The following ARL14EPL variants were observed in gnomAD, a reference collection of about 807,000 sequenced individuals.
ARL14EPL encodes the protein ARF like GTPase 14 effector protein like.
A neutral mutation model predicts 15.9 loss-of-function variants in ARL14EPL; 17 were observed. The ratio of observed to expected loss-of-function variants is 1.07; its 90% CI spans 0.73 to 1.60. The LOEUF (loss-of-function observed/expected upper bound fraction) is 1.60, where lower values mean the gene tolerates loss of function less well. ARL14EPL is among the 40% of genes most tolerant of loss of function. The pLI is 0.00. For synonymous variants in ARL14EPL, 78 were observed against 63.8 expected (o/e 1.22, Z -1.06); for missense variants, 214 against 185.9 (o/e 1.15, Z -0.88).
In ARL14EPL at chr5:116,059,241, C is replaced by T; in HGVS notation, c.*294C>T. 1 of 308,922 alleles carries T rather than the reference C, an allele frequency of 3.2e-6. No homozygotes were observed. Among genetic ancestry groups the T allele is most frequent in the Non-Finnish European group, 6.1e-6 (1 of 164,294 alleles). The allele number at this position is 308,922 out of a possible 1,614,324, so 19.1% of individuals were successfully genotyped here. On this transcript the variant is annotated 3_prime_UTR_variant, in exon 4 of 4. Transcript: ENST00000686077. Reference sequence around the variant, plus strand: ...CCTTCAAATTAAAACTCTCTTCCCTCTTTGCTGATATCTGAGAAAATGTAG... The same window carrying T: ...CCTTCAAATTAAAACTCTCTTCCCTTTTTGCTGATATCTGAGAAAATGTAG...
chr5:116,040,262 A>T (rs1369801969), intron 1 of ARL14EPL, among the ~76,000 whole-genome samples: 1 of 152,072 alleles, frequency 6.6e-6, no homozygotes. Flanking sequence ...ATTTGGTTTA[A>T]TCACTTCTTT....
At position 116,051,492 on chromosome 5, in the gene ARL14EPL, T is replaced by C; in HGVS notation, c.27T>C (p.Asn9=). The C allele has an allele frequency of 6.5e-7, 1 of 1,535,452 alleles. No homozygotes were observed. The highest frequency in any genetic ancestry group is 8.7e-7 in the Non-Finnish European group (1 of 1,146,392). MNEQSEKN[N]SIQERHTDHS... The stretch of plus-strand genomic sequence containing the variant: ...TGAATGAACAATCAGAGAAAAACAA[T>C]TCCATTCAAGAGAGACACACAGATC... The change falls in exon 2 of 4, where the codon AAT becomes AAC. Residue 9 remains asparagine, a synonymous_variant. Transcript: ENST00000686077.
intron 1 of ARL14EPL, among the ~76,000 whole-genome samples, chr5:116,049,734 G>C (rs576572233): frequency 2.2e-4 from 33 of 152,258 alleles, no homozygotes; most frequent in Admixed American, 1.6e-3. Context: ...GAGATAAGTT[G>C]GCTATGAGAG....
rs565718909 is a variant in ARL14EPL, at chr5:116,046,017, C to G, written c.-9-5440C>G. ...GGCAGCAAGGGAATGACTTAATTGA[C>G]CACCTGCACAGGCGTCCTTTCTCTC... On this transcript the variant is annotated intron_variant, in intron 1 of 3. Transcript: ENST00000686077. Among the ~76,000 whole-genome samples, 217 of 152,224 alleles carry G rather than the reference C, an allele frequency of 1.4e-3. 1 individual carries two copies. The highest frequency in any genetic ancestry group is 5.1e-3 in the African/African-American group (211 of 41,536).
chr5:116,053,464 T>G (rs1377905858), intron 2 of ARL14EPL, among the ~76,000 whole-genome samples: 3 of 152,194 alleles, frequency 2.0e-5, no homozygotes, highest in African/African-American at 7.2e-5. Context: ...CAATCTGGCT[T>G]TGACTGAAAG....
At chr5:116,050,780 ATCTC>A (rs141191776) in intron 1 of ARL14EPL, among the ~76,000 whole-genome samples, 3,454 of 128,810 alleles carry the variant, frequency 0.027, 135 homozygotes, top group African/African-American at 0.086. Context: ...TATGGGCTCC[ATCTC>A]TCTCTCTCTC....
At chr5:116,041,922 A>G (rs1018084834) in intron 1 of ARL14EPL, among the ~76,000 whole-genome samples, 15 of 152,058 alleles carry the variant, frequency 9.9e-5, no homozygotes, top group African/African-American at 3.4e-4. Context: ...TCAACTTCCC[A>G]GGCTCAAGCA....
chr5:116,043,777 C>G (rs562879468), intron 1 of ARL14EPL, among the ~76,000 whole-genome samples: 10 of 152,180 alleles, frequency 6.6e-5, no homozygotes, highest in African/African-American at 2.4e-4. Flanking sequence ...TGGTTACAAA[C>G]CTTATCTTTT....
At chr5:116,040,250 G>A (rs905784566) in intron 1 of ARL14EPL, among the ~76,000 whole-genome samples, 5 of 151,954 alleles carry the variant, frequency 3.3e-5, no homozygotes, top group Non-Finnish European at 5.9e-5. Flanking sequence ...TCTATTATAG[G>A]CATTTGGTTT....
chr5:116,055,822 A>G (rs6863089), intron 3 of ARL14EPL, among the ~76,000 whole-genome samples: 28,160 of 150,864 alleles, frequency 0.19, 4,000 homozygotes, highest in African/African-American at 0.39. Flanking sequence ...AACAGGCCCC[A>G]GTGTGTGATG....
intron 2 of ARL14EPL, chr5:116,051,884 C>A (rs1450935760): frequency 7.7e-7 from 1 of 1,305,740 alleles, no homozygotes; most frequent in Admixed American, 2.1e-5. Flanking sequence ...TTTTATTTTT[C>A]CAAATGTACA....
At chr5:116,043,037 C>G (rs1234774299) in intron 1 of ARL14EPL, among the ~76,000 whole-genome samples, 1 of 151,984 alleles carries the variant, frequency 6.6e-6, no homozygotes, top group Non-Finnish European at 1.5e-5. Flanking sequence ...TTCAACCACT[C>G]TCCTGTGTAT....
chr5:116,046,160 C>A (rs537157325), intron 1 of ARL14EPL, among the ~76,000 whole-genome samples: 2 of 152,118 alleles, frequency 1.3e-5, no homozygotes, highest in Non-Finnish European at 2.9e-5. Context: ...GCTTGACTCT[C>A]TTGTCTTGTA....
At chr5:116,056,917 T>G (rs1749530234) in intron 3 of ARL14EPL, among the ~76,000 whole-genome samples, 1 of 152,196 alleles carries the variant, frequency 6.6e-6, no homozygotes, top group African/African-American at 2.4e-5. Flanking sequence ...CCTCCCTGAC[T>G]CATTTTATGA....
At chr5:116,046,763 A>C (rs895690204) in intron 1 of ARL14EPL, among the ~76,000 whole-genome samples, 2 of 152,150 alleles carry the variant, frequency 1.3e-5, no homozygotes. Flanking sequence ...AGGGATTTTT[A>C]AGGGTAATTT....
At chr5:116,040,840 G>A (rs1039460183) in intron 1 of ARL14EPL, among the ~76,000 whole-genome samples, 4 of 149,418 alleles carry the variant, frequency 2.7e-5, no homozygotes, top group Non-Finnish European at 5.9e-5. Flanking sequence ...AATTAGTCGG[G>A]CGTGGTGGCG....
chr5:116,059,118 T>A lies in ARL14EPL; in HGVS notation c.*171T>A. On this transcript the variant is annotated 3_prime_UTR_variant, in exon 4 of 4. Coordinates refer to ENST00000686077, the MANE Select transcript of ARL14EPL (RefSeq NM_001195581.2). The stretch of plus-strand genomic sequence containing the variant: ...ATGGGCAATAATTCTGTAACCTTCT[T>A]AACTGTGTCAACAATTTTCAAGTCC... 3.1e-6 allele frequency: 2 copies of A among 650,252 alleles called. No homozygotes were observed. The highest frequency in any genetic ancestry group is 5.2e-6 in the Non-Finnish European group (2 of 386,434). The allele number at this position is 650,252 out of a possible 1,614,324, so 40.3% of individuals were successfully genotyped here.
At chr5:116,051,889 T>C (rs1804380) in intron 2 of ARL14EPL, 2 of 1,341,962 alleles carry the variant, frequency 1.5e-6, no homozygotes, top group East Asian at 4.6e-5. Flanking sequence ...TTTTTCCAAA[T>C]GTACAGCTGG....
At chr5:116,042,254 A>G (rs982940585) in intron 1 of ARL14EPL, among the ~76,000 whole-genome samples, 1 of 152,182 alleles carries the variant, frequency 6.6e-6, no homozygotes, top group Non-Finnish European at 1.5e-5. Flanking sequence ...ATTTGATTAC[A>G]TATCTTCTTC....
Sources: gnomAD v4.1 joint callset for allele counts (sites outside exome capture counted in the v4.1 genomes callset) on GRCh38, gnomAD v4.1.1 for gene constraint, MANE v1.5 for transcripts, NCBI Gene and HGNC (gene_info 2026-07-23, HGNC 2026-07-21) for gene names.